Variants in IGSF11 observed in about 807,000 individuals in gnomAD.
IGSF11 encodes immunoglobulin superfamily member 11.
Under a neutral mutation model 41.0 loss-of-function variants are expected in IGSF11, and 22 were observed. The observed-to-expected ratio is 0.54, with a 90% confidence interval of 0.38 to 0.77. The LOEUF is 0.77. IGSF11 is among the 30% of genes least tolerant of loss of function. The pLI, the probability that IGSF11 is intolerant of heterozygous loss-of-function variation, is 0.00. For missense variants in IGSF11, 444 were observed against 530.8 expected (o/e 0.84, Z 1.61); for synonymous variants, 219 against 201.3 (o/e 1.09, Z -0.74).
chr3:119,076,068 G>C (rs958204634), intron 1 of IGSF11, among the ~76,000 whole-genome samples: 16 of 152,156 alleles, frequency 1.1e-4, no homozygotes, highest in African/African-American at 3.6e-4. Flanking sequence ...CAGAGATATA[G>C]ATCAATGGAA....
intron 1 of IGSF11, among the ~76,000 whole-genome samples, chr3:118,955,065 C>T (rs1944848759): frequency 2.6e-5 from 4 of 151,908 alleles, no homozygotes; most frequent in African/African-American, 9.7e-5. Flanking sequence ...GGGTATCTAC[C>T]CAGAGGAAAA....
Position 119,034,515 on chromosome 3 carries a change from G to A in IGSF11, c.52+16C>T, listed in dbSNP as rs758298740. 6.4e-7 allele frequency: 1 copy of A among 1,567,306 alleles called. No individual in the cohort carries two copies. Among genetic ancestry groups the A allele is most frequent in the South Asian group, 1.2e-5 (1 of 84,678 alleles). On this transcript the variant is annotated intron_variant, in intron 1 of 6. Coordinates refer to ENST00000393775, the MANE Select transcript of IGSF11 (RefSeq NM_001015887.3). Reference sequence around the variant, plus strand: ...CGGCCTGGCCCCACCGGGAAGAAAGGGCTGGAGCTACTCACCGTGCAGAGA... The same window carrying A: ...CGGCCTGGCCCCACCGGGAAGAAAGAGCTGGAGCTACTCACCGTGCAGAGA...
intron 1 of IGSF11, among the ~76,000 whole-genome samples, chr3:118,976,523 G>T (rs1053848714): frequency 3.3e-5 from 5 of 152,198 alleles, no homozygotes; most frequent in African/African-American, 4.8e-5. Flanking sequence ...CTGCTGCCAT[G>T]ATCTGGGGTT....
chr3:118,958,019 A>C (rs536857414), intron 1 of IGSF11, among the ~76,000 whole-genome samples: 1 of 152,360 alleles, frequency 6.6e-6, no homozygotes, highest in African/African-American at 2.4e-5. Context: ...TCCTCATAAA[A>C]TCAAAGGTGC....
intron 1 of IGSF11, among the ~76,000 whole-genome samples, chr3:119,004,660 G>C (rs1434012732): frequency 6.8e-6 from 1 of 147,908 alleles, no homozygotes; most frequent in African/African-American, 2.5e-5. Context: ...CTGGTATGTT[G>C]TGTCTTTGTT....
intron 4 of IGSF11, among the ~76,000 whole-genome samples, chr3:118,912,940 C>G (rs1415975033): frequency 6.6e-6 from 1 of 151,978 alleles, no homozygotes; most frequent in East Asian, 1.9e-4. Context: ...TTTGAAGTTG[C>G]AGTGAGCAGT....
chr3:119,145,876 C>T (rs58870360), exon 1 of IGSF11: 76,014 of 305,062 alleles, frequency 0.25, 10,952 homozygotes, highest in Non-Finnish European at 0.3. Context: ...GAGGGTAACA[C>T]TCTAGGTGGC....
At chr3:118,941,675 A>G (rs187866594) in intron 1 of IGSF11, among the ~76,000 whole-genome samples, 1 of 152,348 alleles carries the variant, frequency 6.6e-6, no homozygotes, top group Admixed American at 6.5e-5. Context: ...GCAAATGTTC[A>G]CTGCATCTTT....
rs1179158952 is a variant in IGSF11, at chr3:118,916,953, T to C, written c.580+9148A>G. On this transcript the variant is annotated intron_variant, in intron 4 of 6. Transcript: ENST00000393775. ...AAACTAGAACTCAGGATTAAGAATC[T>C]CACTCAAAACTGCTCAGCTACATGG... is the stretch of plus-strand genomic sequence containing the variant. Among the ~76,000 whole-genome samples, 5 of 152,204 alleles carry C rather than the reference T, an allele frequency of 3.3e-5. No individual in the cohort carries two copies. In the East Asian group the frequency reaches 7.7e-4, roughly 23 times the overall value.
intron 1 of IGSF11, among the ~76,000 whole-genome samples, chr3:119,053,439 C>T (rs1292353263): frequency 1.3e-5 from 2 of 152,074 alleles, no homozygotes; most frequent in Admixed American, 6.6e-5. Flanking sequence ...AAATAAAATA[C>T]TCAGAAATGT....
exon 1 of IGSF11, chr3:119,145,978 CG>C: frequency 1.8e-6 from 1 of 551,262 alleles, no homozygotes; most frequent in East Asian, 3.0e-5. Flanking sequence ...CAGGACATGG[CG>C]TACTCCCTGC....
At chr3:118,913,098 A>AAAAAAC (rs1431533909) in intron 4 of IGSF11, among the ~76,000 whole-genome samples, 3 of 152,118 alleles carry the variant, frequency 2.0e-5, no homozygotes, top group Admixed American at 1.3e-4. Context: ...CTGGAAAAAT[A>AAAAAAC]AAAAACAAAA....
At chr3:118,940,474 T>C (rs1943600020) in intron 1 of IGSF11, among the ~76,000 whole-genome samples, 1 of 152,038 alleles carries the variant, frequency 6.6e-6, no homozygotes, top group Non-Finnish European at 1.5e-5. Flanking sequence ...CTTCAGAAAA[T>C]ATCTGTAAGA....
At chr3:119,074,071 G>A (rs1369435066) in intron 1 of IGSF11, among the ~76,000 whole-genome samples, 1 of 152,218 alleles carries the variant, frequency 6.6e-6, no homozygotes, top group Non-Finnish European at 1.5e-5. Context: ...AATAGTGGGA[G>A]ATTTCAACAC....
chr3:118,935,709 G>A (rs1943220629), intron 1 of IGSF11, among the ~76,000 whole-genome samples: 1 of 151,956 alleles, frequency 6.6e-6, no homozygotes, highest in South Asian at 2.1e-4. Context: ...GTCTTCTTAG[G>A]CCTAACAAGA....
chr3:119,105,322 T>A (rs907242676), upstream of IGSF11: 3 of 605,072 alleles, frequency 5.0e-6, no homozygotes, highest in African/African-American at 5.6e-5. Context: ...GGTACAGGAT[T>A]TGGAGCCATA....
At chr3:118,986,107 T>C (rs948922648) in intron 1 of IGSF11, among the ~76,000 whole-genome samples, 4 of 152,176 alleles carry the variant, frequency 2.6e-5, no homozygotes, top group African/African-American at 9.7e-5. Flanking sequence ...TCTTCCCTCA[T>C]GTACTTCCCT....
intron 1 of IGSF11, among the ~76,000 whole-genome samples, chr3:119,126,311 G>A (rs560444497): frequency 6.6e-6 from 1 of 152,292 alleles, no homozygotes; most frequent in East Asian, 1.9e-4. Context: ...CTCAGTGGGC[G>A]GGGCTTCCCT....
At chr3:119,064,467 T>C (rs1178634478) in intron 1 of IGSF11, among the ~76,000 whole-genome samples, 2 of 151,666 alleles carry the variant, frequency 1.3e-5, no homozygotes, top group Non-Finnish European at 2.9e-5. Context: ...TGTCTGGTAG[T>C]GTAAGTCCTC....
Sources: allele counts gnomAD v4.1 joint callset (sites outside exome capture counted in the v4.1 genomes callset), GRCh38; gene constraint gnomAD v4.1.1; transcripts MANE v1.5; gene names NCBI Gene and HGNC (gene_info 2026-07-23, HGNC 2026-07-21).